Variants in ST7L observed in about 807,000 individuals in gnomAD.
ST7L encodes suppression of tumorigenicity 7 like.
A neutral mutation model predicts 72.5 loss-of-function variants in ST7L; 57 were observed. That is an observed-to-expected ratio of 0.79 (90% confidence interval 0.64 to 0.98). ST7L has a LOEUF of 0.98. ST7L is among the 50% of genes least tolerant of loss of function. ST7L has a pLI of 0.00. For missense variants in ST7L, 576 were observed against 672.2 expected (o/e 0.86, Z 1.58); for synonymous variants, 221 against 240.9 (o/e 0.92, Z 0.77).
chr1:112,520,543 A>G, downstream of ST7L: 2 of 1,604,014 alleles, frequency 1.2e-6, no homozygotes, highest in Middle Eastern at 3.3e-4. Flanking sequence ...CTCCAATTCA[A>G]GCCTCTCAAC....
chr1:112,550,980 A>C (rs1658027462), intron 12 of ST7L, among the ~76,000 whole-genome samples: 1 of 151,872 alleles, frequency 6.6e-6, no homozygotes, highest in South Asian at 2.1e-4. Context: ...CACAATTGAT[A>C]ATTCCAAAGC....
At chr1:112,583,871 TA>T in intron 7 of ST7L, 100 bp downstream of exon 7, 1 of 1,357,058 alleles carries the variant, frequency 7.4e-7, no homozygotes, top group Non-Finnish European at 1.0e-6. Context: ...GAAAATTAAC[TA>T]ACCTGTAAGT....
Position 112,568,881 on chromosome 1 carries a change from TATATATAA to T in ST7L, c.1245+8097_1245+8104del, listed in dbSNP as rs201655563. On this transcript the variant is annotated intron_variant, in intron 11 of 14. Coordinates refer to ENST00000358039, the MANE Select transcript of ST7L (RefSeq NM_017744.5). ...ATATAAATATATATATATATATATA[TATATATAA>T]AACAAAAATTTAAAAATATGCAACT... Among the ~76,000 whole-genome samples the T allele has an allele frequency of 8.5e-3, 1,091 of 128,270 alleles. 12 individuals are homozygous for T. The highest frequency in any genetic ancestry group is 0.03 in the African/African-American group (1,052 of 35,304). The allele number at this position is 128,270 out of a possible 152,430, so 84.2% of individuals were successfully genotyped here.
At position 112,526,060 on chromosome 1, in the gene ST7L, TCTC is replaced by T. The variant is rs1206344525; in HGVS notation, c.1678_1680del (p.Glu560del). 1.9e-6 allele frequency: 3 copies of T among 1,613,968 alleles called. No individual in the cohort carries two copies. Among genetic ancestry groups the T allele is most frequent in the African/African-American group, 1.3e-5 (1 of 74,862 alleles). On this transcript the variant is annotated inframe_deletion, in exon 15 of 15. Transcript: ENST00000358039. ...TCTTCTGACTTCAAATCCTGTGTAT[TCTC>T]CTCAAAGCCTGAGGATGCCCAGGGT... is the stretch of plus-strand genomic sequence containing the variant.
chr1:112,538,149 GT>G, intron 14 of ST7L, among the ~76,000 whole-genome samples: 1 of 152,308 alleles, frequency 6.6e-6, no homozygotes, highest in South Asian at 2.1e-4. Context: ...AGTAGAACAA[GT>G]ATGTCTCAAA....
chr1:112,517,985 C>A, the ST7L span: 1 of 152,622 alleles, frequency 6.6e-6, no homozygotes, highest in Non-Finnish European at 1.5e-5. Flanking sequence ...GACCAATCTG[C>A]TGGGTAAAGG....
In ST7L at chr1:112,605,752, T is replaced by G. The variant is rs1423455866; in HGVS notation, c.452-4904A>C. On this transcript the variant is annotated intron_variant, in intron 3 of 14. Transcript: ENST00000358039. ...GGCTTGATACTCTGCCCTCCAGGCC[T>G]ACTGGGGTGGCAGTGTCACCCCCAT... 3.3e-5 allele frequency among the ~76,000 whole-genome samples: 5 copies of G among 151,846 alleles called. No homozygotes were observed. The East Asian group carries it at 9.7e-4, about 29-fold the overall frequency.
chr1:112,520,555 C>G, downstream of ST7L: 3 of 1,588,054 alleles, frequency 1.9e-6, no homozygotes, highest in Non-Finnish European at 2.6e-6. Context: ...CCTCTCAACT[C>G]AAAAGCACAA....
chr1:112,605,881 T>G (rs886287726), intron 3 of ST7L, among the ~76,000 whole-genome samples: 1 of 152,206 alleles, frequency 6.6e-6, no homozygotes, highest in African/African-American at 2.4e-5. Context: ...GGAAACAGCC[T>G]TGCCCTCTGG....
intron 5 of ST7L, among the ~76,000 whole-genome samples, chr1:112,595,964 A>C (rs1666417300): frequency 6.6e-6 from 1 of 152,192 alleles, no homozygotes; most frequent in African/African-American, 2.4e-5. Context: ...ACTTCAGTAG[A>C]TAGCCATGAT....
At chr1:112,562,011 G>A (rs892985763) in intron 11 of ST7L, among the ~76,000 whole-genome samples, 1 of 149,010 alleles carries the variant, frequency 6.7e-6, no homozygotes, top group Admixed American at 6.8e-5. Flanking sequence ...CTGTCACTCA[G>A]GCTGGAGTGC....
At chr1:112,577,967 T>C (rs1035580830) in intron 10 of ST7L, among the ~76,000 whole-genome samples, 6 of 152,222 alleles carry the variant, frequency 3.9e-5, no homozygotes, top group African/African-American at 1.4e-4. Flanking sequence ...CTACACACTT[T>C]ATCATCATCA....
At chr1:112,577,530 C>CAAAAAA (rs527682647) in intron 10 of ST7L, among the ~76,000 whole-genome samples, 8 of 24,100 alleles carry the variant, frequency 3.3e-4, no homozygotes, top group Admixed American at 5.1e-4. Context: ...AACTCTGTCT[C>CAAAAAA]AAAAAAAAAA....
chr1:112,532,045 A>G (rs1654474619), intron 14 of ST7L, among the ~76,000 whole-genome samples: 1 of 152,162 alleles, frequency 6.6e-6, no homozygotes, highest in African/African-American at 2.4e-5. Flanking sequence ...GCAAATTAGT[A>G]AGAAAAGTCT....
At chr1:112,530,926 G>A (rs1300930599) in intron 14 of ST7L, among the ~76,000 whole-genome samples, 1 of 152,160 alleles carries the variant, frequency 6.6e-6, no homozygotes, top group African/African-American at 2.4e-5. Context: ...AAGGGCAAAA[G>A]GAACTTTATT....
intron 6 of ST7L, among the ~76,000 whole-genome samples, chr1:112,587,898 T>G (rs1398611957): frequency 9.9e-5 from 15 of 152,210 alleles, no homozygotes; most frequent in Admixed American, 9.8e-4. Context: ...CGTAGATCAA[T>G]TTAGGGAGTA....
chr1:112,608,028 T>C (rs1482943235), intron 3 of ST7L, among the ~76,000 whole-genome samples: 1 of 152,162 alleles, frequency 6.6e-6, no homozygotes, highest in African/African-American at 2.4e-5. Flanking sequence ...AAAATTTTTT[T>C]TTCCCCCTTG....
chr1:112,539,148 T>C lies in ST7L; in HGVS notation c.1629+2803A>G, dbSNP rs536719880. 3.5e-3 allele frequency: 531 copies of C among 152,276 alleles called. 2 individuals are homozygous for C. Among genetic ancestry groups the C allele is most frequent in the Middle Eastern group, 6.8e-3 (2 of 294 alleles). The allele number at this position is 152,276 out of a possible 1,614,324, so 9.4% of individuals were successfully genotyped here. A position where few individuals can be genotyped will look rare whatever the true frequency, so the allele number is the denominator to read the frequency against. On this transcript the variant is annotated intron_variant, in intron 14 of 14. Coordinates refer to ENST00000358039, the MANE Select transcript of ST7L (RefSeq NM_017744.5). Reference sequence around the variant, plus strand: ...AGTTTCTCCAAGCTTTAAATGTATATATAGGATCACCTGGGGATCTTGTTA... The same window carrying C: ...AGTTTCTCCAAGCTTTAAATGTATACATAGGATCACCTGGGGATCTTGTTA...
At chr1:112,618,508 GAT>G (rs1670301460) in intron 1 of ST7L, 1 of 222,696 alleles carries the variant, frequency 4.5e-6, no homozygotes, top group Non-Finnish European at 8.5e-6. Context: ...TTGTTGCCTG[GAT>G]ATGAGTTCTT....
Sources: allele counts gnomAD v4.1 joint callset (sites outside exome capture counted in the v4.1 genomes callset), GRCh38; gene constraint gnomAD v4.1.1; transcripts MANE v1.5; gene names NCBI Gene and HGNC (gene_info 2026-07-23, HGNC 2026-07-21).